COPB2: variants seen among roughly 807,000 people sequenced by gnomAD.
The protein encoded by COPB2 is coat protein complex I subunit beta 2, also known as coatomer subunit beta'.
COPB2 carries 16 observed loss-of-function variants against 120.8 expected under a neutral mutation model. The ratio of observed to expected loss-of-function variants is 0.13; its 90% CI spans 0.09 to 0.20. COPB2 has a LOEUF of 0.20. Among genes scored for constraint, COPB2 ranks in the 10% least tolerant of loss-of-function variants. The pLI is 1.00. For missense variants in COPB2, 794 were observed against 1,076.5 expected, an observed-to-expected ratio of 0.74 and a Z score of 3.67; for synonymous variants, 332 against 366.3, an observed-to-expected ratio of 0.91 and a Z score of 1.07.
In COPB2 at chr3:139,366,560, C is replaced by A. The variant is rs1166428507; in HGVS notation, c.1884+8G>T. ...AAAAAACAAAAAGAAAAAAACAAAA[C>A]CTCTTACCTGCTTTTCCAAAAAGTG... On this transcript the variant is annotated splice_region_variant and intron_variant, in intron 15 of 21. Coordinates refer to ENST00000333188, the MANE Select transcript of COPB2 (RefSeq NM_004766.3). The A allele has an allele frequency of 1.0e-5, 16 of 1,597,064 alleles. No individual in the cohort carries two copies. Among genetic ancestry groups the A allele is most frequent in the Non-Finnish European group, 1.4e-5 (16 of 1,171,862 alleles).
In COPB2 at chr3:139,389,609, A is replaced by G; in HGVS notation, c.-59T>C. On this transcript the variant is annotated 5_prime_UTR_variant, in exon 1 of 22. Transcript: ENST00000333188. Reference sequence around the variant, plus strand: ...TGTTACCGGCTACTCAGGCCTTGAGATAAACCCACCGATCCACTGACCGTC... The same window carrying G: ...TGTTACCGGCTACTCAGGCCTTGAGGTAAACCCACCGATCCACTGACCGTC... 1 of 1,513,398 alleles carries G rather than the reference A, an allele frequency of 6.6e-7. No homozygotes were observed. The highest frequency in any genetic ancestry group is 9.0e-7 in the Non-Finnish European group (1 of 1,107,486). 93.7% of individuals were successfully genotyped at this position (1,513,398 alleles called of 1,614,324 possible). A position where few individuals can be genotyped will look rare whatever the true frequency, so the allele number is the denominator to read the frequency against.
At chr3:139,382,466 A>G (rs1941833034) in intron 2 of COPB2, 1 of 152,358 alleles carries the variant, frequency 6.6e-6, no homozygotes, top group African/African-American at 2.4e-5. Context: ...AGTTCTTTAC[A>G]GCAGTGTGAG....
chr3:139,377,029 G>A (rs919492505), intron 5 of COPB2, among the ~76,000 whole-genome samples: 2 of 152,098 alleles, frequency 1.3e-5, no homozygotes, highest in African/African-American at 2.4e-5. Flanking sequence ...GATTACAGGC[G>A]TGAGCCACCG....
At chr3:139,363,343 A>T (rs1446942764) in intron 15 of COPB2, among the ~76,000 whole-genome samples, 1 of 152,180 alleles carries the variant, frequency 6.6e-6, no homozygotes, top group African/African-American at 2.4e-5. Flanking sequence ...ACGGCATTAG[A>T]TTCTCATAGG....
intron 2 of COPB2, 125 bp from the exon 3 acceptor site, chr3:139,379,591 A>C (rs1941771670): frequency 4.2e-6 from 3 of 708,430 alleles, no homozygotes; most frequent in Non-Finnish European, 6.9e-6. Flanking sequence ...TCAGGCTAAA[A>C]TATAAAAGCT....
At chr3:139,373,930 G>T in intron 7 of COPB2, 122 bp from the exon 8 acceptor site, 2 of 1,188,432 alleles carry the variant, frequency 1.7e-6, no homozygotes, top group Non-Finnish European at 2.3e-6. Flanking sequence ...GCAGCTTAAT[G>T]ACCAATTTTT....
chr3:139,384,235 T>C (rs1050541862), intron 1 of COPB2, among the ~76,000 whole-genome samples: 1 of 152,226 alleles, frequency 6.6e-6, no homozygotes, highest in Admixed American at 6.5e-5. Context: ...ATGCATGTTT[T>C]TCTACCATTA....
At chr3:139,379,739 TCCAGCCTCACCTTTGGCTACTC>T (rs1170116198) in intron 2 of COPB2, 5 of 345,120 alleles carry the variant, frequency 1.4e-5, no homozygotes, top group Non-Finnish European at 2.1e-5. Context: ...CCCTCCCTTT[TCCAGCCTCACCTTTGGCTACTC>T]CCAGCCTCAC....
chr3:139,359,060 C>G lies in COPB2; in HGVS notation c.2422G>C (p.Glu808Gln). 1 of 1,614,042 alleles carries G rather than the reference C, an allele frequency of 6.2e-7. No homozygotes were observed. Among genetic ancestry groups the G allele is most frequent in the Non-Finnish European group, 8.5e-7 (1 of 1,180,000 alleles). ...FPGLKEAFVV[E>Q]EWVKETHADL... The stretch of plus-strand genomic sequence containing the variant: ...GCATGTGTTTCCTTCACCCATTCTT[C>G]AACAACAAAGGCTTCTTTTAATCCA... Residue 808 changes from glutamate to glutamine, a missense_variant, in exon 19 of 22, where the codon GAA (glutamate) becomes CAA (glutamine). This residue lies in a region of COPB2 where 178 missense variants were observed against 183.2 expected (regional missense o/e 0.97). Transcript: ENST00000333188.
rs1941308384 is a variant in COPB2 at position 139,357,410 on chromosome 3, G to C, written c.*453C>G. On this transcript the variant is annotated 3_prime_UTR_variant, in exon 22 of 22. Transcript: ENST00000333188. Reference sequence around the variant, plus strand: ...CAATGAGGTCAAGAAAAAGGGTTTAGAGAATTACAGCCTGGATATTCAGCT... The same window carrying C: ...CAATGAGGTCAAGAAAAAGGGTTTACAGAATTACAGCCTGGATATTCAGCT... 1.0e-5 allele frequency: 2 copies of C among 192,092 alleles called. No homozygotes were observed. Among genetic ancestry groups the C allele is most frequent in the African/African-American group, 2.4e-5 (1 of 42,418 alleles). 11.9% of individuals were successfully genotyped at this position (192,092 alleles called of 1,614,324 possible).
rs1171170788 is a variant in COPB2, at chr3:139,367,157, A to C, written c.1546-12T>G. 7 of 1,610,844 alleles carry C rather than the reference A, an allele frequency of 4.3e-6. No individual in the cohort carries two copies. The Middle Eastern group carries it at 9.9e-4, about 228-fold the overall frequency. On this transcript the variant is annotated splice_polypyrimidine_tract_variant and intron_variant, in intron 13 of 21. Transcript: ENST00000333188. ...ATCTCACCAAGAACCTGCAGAAAGA[A>C]AAATAAAGACAATTACTTTATCCAA...
chr3:139,372,259 CT>C (rs1941636586), intron 9 of COPB2, among the ~76,000 whole-genome samples: 1 of 152,178 alleles, frequency 6.6e-6, no homozygotes, highest in Non-Finnish European at 1.5e-5. Flanking sequence ...CATTTTAAAG[CT>C]GATCATTCAA....
At chr3:139,372,926 A>G (rs1187553322) in intron 9 of COPB2, among the ~76,000 whole-genome samples, 1 of 152,250 alleles carries the variant, frequency 6.6e-6, no homozygotes, top group Non-Finnish European at 1.5e-5. Flanking sequence ...TCAAAGGAGC[A>G]CACAAAAACA....
At chr3:139,359,246 C>A (rs763140565) in intron 18 of COPB2, 24 bp downstream of exon 18, 1 of 1,612,800 alleles carries the variant, frequency 6.2e-7, no homozygotes, top group Non-Finnish European at 8.5e-7. Context: ...GGAAACATTT[C>A]TTCCTAAAAT....
intron 14 of COPB2, 86 bp from the exon 15 acceptor site, chr3:139,366,861 C>T (rs1941527695): frequency 6.6e-7 from 1 of 1,504,730 alleles, no homozygotes; most frequent in Admixed American, 1.8e-5. Context: ...TTGCTCAAAA[C>T]CTTCCCATTT....
intron 1 of COPB2, among the ~76,000 whole-genome samples, chr3:139,386,125 C>T (rs927495557): frequency 2.0e-5 from 3 of 152,060 alleles, no homozygotes; most frequent in African/African-American, 7.2e-5. Context: ...CTTGTTCTAC[C>T]CACGCCTCCT....
rs1240606370 is a variant in COPB2 at position 139,380,518 on chromosome 3, T to C, written c.142-1052A>G. On this transcript the variant is annotated intron_variant, in intron 2 of 21. Transcript: ENST00000333188. ...GAGACCCTCCTAGAAAGAGCAGAGA[T>C]CATGGTACCTCTTTGTTCTCCTTCT... 4 of 151,784 alleles carry C rather than the reference T, an allele frequency of 2.6e-5. No homozygotes were observed. The East Asian group carries it at 7.7e-4, about 29-fold the overall frequency. 9.4% of individuals were successfully genotyped at this position (151,784 alleles called of 1,614,324 possible).
intron 5 of COPB2, among the ~76,000 whole-genome samples, chr3:139,377,444 A>T (rs908231535): frequency 6.6e-6 from 1 of 152,240 alleles, no homozygotes; most frequent in Non-Finnish European, 1.5e-5. Flanking sequence ...GGAAGATGGA[A>T]CAGTTCAATG....
intron 21 of COPB2, 91 bp downstream of exon 21, chr3:139,358,109 T>G: frequency 8.2e-7 from 1 of 1,212,896 alleles, no homozygotes; most frequent in East Asian, 2.3e-5. Context: ...GAAACTGATG[T>G]CACTTAAACC....
Sources: allele counts gnomAD v4.1 joint callset (sites outside exome capture counted in the v4.1 genomes callset), GRCh38; gene constraint gnomAD v4.1.1; regional missense constraint gnomAD v4.1.1; transcripts MANE v1.5; gene names NCBI Gene and HGNC (gene_info 2026-07-23, HGNC 2026-07-21).